USP9Y: variants seen among roughly 807,000 people sequenced by gnomAD.
USP9Y encodes ubiquitin carboxyl-terminal hydrolase 9Y.
A neutral mutation model predicts 53.1 loss-of-function variants in USP9Y; 41 were observed. That is an observed-to-expected ratio of 0.77 (90% CI 0.60 to 1.00). The LOEUF (loss-of-function observed/expected upper bound fraction) is 1.00. Among genes scored for constraint, USP9Y ranks in the 50% least tolerant of loss-of-function variants. The pLI is 0.00. For synonymous variants in USP9Y, 220 were observed against 173.7 expected (o/e 1.27, Z -2.09); for missense variants, 567 against 535.8 (o/e 1.06, Z -0.58).
At position 12,840,339 on chromosome Y, in the gene USP9Y, G is replaced by T; in HGVS notation, c.5813G>T (p.Arg1938Leu). The change falls in exon 36 of 46, where the codon CGC becomes CTC. Residue 1938 changes from arginine (R) to leucine (L), a missense_variant. Transcript: ENST00000338981. ...MGEVFDHMMKRMSYRRQKRWW... is the reference protein window; with the variant it reads ...MGEVFDHMMKLMSYRRQKRWW... Reference sequence around the variant, plus strand: ...GAAGTATTTGATCACATGATGAAGCGCATGTCATATAGGCGACAGAAGAGG... The same window carrying T: ...GAAGTATTTGATCACATGATGAAGCTCATGTCATATAGGCGACAGAAGAGG... The T allele has an allele frequency of 2.5e-6, 1 of 398,179 alleles. No individual in the cohort carries two copies. Among genetic ancestry groups the T allele is most frequent in the Non-Finnish European group, 3.5e-6 (1 of 283,380 alleles).
intron 31 of USP9Y, among the ~76,000 whole-genome samples, chrY:12,815,232 T>C: frequency 3.0e-5 from 1 of 33,746 alleles, no homozygotes; most frequent in African/African-American, 1.2e-4. Context: ...TTTTTTGTTG[T>C]TGTTTTTGTT....
chrY:12,728,878 G>T (rs764151905), intron 7 of USP9Y, among the ~76,000 whole-genome samples: 2 of 33,124 alleles, frequency 6.0e-5, no homozygotes, highest in African/African-American at 2.3e-4. Flanking sequence ...CTATCTTTGG[G>T]TTTATTTTGT....
At chrY:12,723,400 T>A (rs2053437912) in intron 5 of USP9Y, among the ~76,000 whole-genome samples, 2 of 26,224 alleles carry the variant, frequency 7.6e-5, no homozygotes, top group African/African-American at 3.0e-4. Context: ...TTTTATTTTT[T>A]TTTTTTTTGA....
chrY:12,850,411 CTT>C (rs34829543), intron 42 of USP9Y, among the ~76,000 whole-genome samples: 1 of 28,298 alleles, frequency 3.5e-5, no homozygotes, highest in Non-Finnish European at 8.6e-5. Flanking sequence ...GGATTCATGA[CTT>C]TTTTTTTTTT....
At chrY:12,816,729 C>T (rs2053536978) in intron 32 of USP9Y, among the ~76,000 whole-genome samples, 1 of 33,578 alleles carries the variant, frequency 3.0e-5, no homozygotes, top group Non-Finnish European at 7.4e-5. Flanking sequence ...ATAAGCTGTA[C>T]TTATTTTTAG....
Position 12,701,506 on chromosome Y carries a change from G to C in USP9Y, c.-670G>C. On this transcript the variant is annotated 5_prime_UTR_variant, in exon 1 of 46. Transcript: ENST00000338981. The stretch of plus-strand genomic sequence containing the variant: ...ACTGAAATTGTAAAGTGGTAGACGT[G>C]GACTTAGTCATTACTGGGCAGCTTA... The C allele has an allele frequency of 3.0e-5, 1 of 33,588 alleles. No individual in the cohort carries two copies. Among genetic ancestry groups the C allele is most frequent in the African/African-American group, 1.2e-4 (1 of 8,567 alleles). 8.4% of individuals were successfully genotyped at this position (33,588 alleles called of 400,897 possible). A position where few individuals can be genotyped will look rare whatever the true frequency, so the allele number is the denominator to read the frequency against.
At chrY:12,752,565 T>G in intron 12 of USP9Y, among the ~76,000 whole-genome samples, 1 of 33,270 alleles carries the variant, frequency 3.0e-5, no homozygotes, top group Non-Finnish European at 7.4e-5. Flanking sequence ...TGTGTGCCTG[T>G]TACTTCTTTT....
intron 32 of USP9Y, among the ~76,000 whole-genome samples, chrY:12,817,294 G>C (rs750558921): frequency 1.8e-4 from 6 of 33,949 alleles, no homozygotes; most frequent in Admixed American, 2.7e-4. Context: ...TTTATACTTA[G>C]ACTGTTTATC....
chrY:12,780,928 C>A (rs2053497952), intron 22 of USP9Y, among the ~76,000 whole-genome samples: 1 of 33,239 alleles, frequency 3.0e-5, no homozygotes, highest in South Asian at 6.8e-4. Context: ...GCTTGTATTT[C>A]TTGGCCTACA....
chrY:12,735,070 CAAAAAAAAAAA>C (rs763856999), intron 7 of USP9Y, among the ~76,000 whole-genome samples: 1 of 5,577 alleles, frequency 1.8e-4, no homozygotes, highest in South Asian at 3.9e-3. Flanking sequence ...ACTCCGTCTC[CAAAAAAAAAAA>C]AAAAAAAAAG....
intron 21 of USP9Y, among the ~76,000 whole-genome samples, 198 bp from the exon 22 acceptor site, chrY:12,779,328 T>A: frequency 3.0e-5 from 1 of 33,578 alleles, no homozygotes; most frequent in South Asian, 6.4e-4. Context: ...TAATATGTAA[T>A]GTATAAATTT....
chrY:12,733,493 A>G (rs2053449035), intron 7 of USP9Y, among the ~76,000 whole-genome samples: 1 of 29,284 alleles, frequency 3.4e-5, no homozygotes, highest in Non-Finnish European at 8.0e-5. Context: ...CACTATGCCC[A>G]GTTAATTTTT....
intron 31 of USP9Y, among the ~76,000 whole-genome samples, chrY:12,813,614 T>C (rs2053533251): frequency 6.0e-5 from 2 of 33,346 alleles, no homozygotes; most frequent in African/African-American, 2.3e-4. Context: ...AATATAAAAT[T>C]TAGTTCATTT....
At chrY:12,755,422 C>T in intron 12 of USP9Y, among the ~76,000 whole-genome samples, 1 of 32,282 alleles carries the variant, frequency 3.1e-5, no homozygotes, top group Non-Finnish European at 7.5e-5. Context: ...ACCTCAGCCT[C>T]CCAAAGTGCT....
At chrY:12,780,276 G>A (rs942090040) in intron 22 of USP9Y, among the ~76,000 whole-genome samples, 1 of 32,344 alleles carries the variant, frequency 3.1e-5, no homozygotes, top group African/African-American at 1.2e-4. Context: ...ACTCCTTCCA[G>A]TAATTTCCTA....
At chrY:12,741,033 A>G (rs2148282343) in intron 12 of USP9Y, among the ~76,000 whole-genome samples, 1 of 32,193 alleles carries the variant, frequency 3.1e-5, no homozygotes, top group East Asian at 8.2e-4. Context: ...GGACAACATG[A>G]TGGAACCCCA....
Position 12,818,442 on chromosome Y carries a change from A to G in USP9Y, c.4853A>G (p.Asp1618Gly). ...TAGAGTAATGTTGATCCCCGAGATG[A>G]TGTATTTGGATATCCTCATCAATTT... ...DSESNVDPRD[D>G]VFGYPHQFED... Residue 1618 changes from aspartate (D) to glycine (G), a missense_variant, in exon 33 of 46, where the codon GAT (aspartate) becomes GGT (glycine). Physicochemically the swap from Asp to Gly is moderately conservative, Grantham distance 94. Coordinates refer to ENST00000338981, the MANE Select transcript of USP9Y (RefSeq NM_004654.4). The G allele has an allele frequency of 2.5e-6, 1 of 397,485 alleles. No homozygotes were observed. The highest frequency in any genetic ancestry group is 3.5e-6 in the Non-Finnish European group (1 of 282,496).
chrY:12,747,077 GGTACCACAA>G (rs2053461290), intron 12 of USP9Y, among the ~76,000 whole-genome samples: 1 of 33,687 alleles, frequency 3.0e-5, no homozygotes, highest in East Asian at 7.6e-4. Context: ...TGAACTGAAA[GGTACCACAA>G]GCTTTTGCTT....
At chrY:12,803,593 A>T in intron 27 of USP9Y, 1 of 33,221 alleles carries the variant, frequency 3.0e-5, no homozygotes, top group Non-Finnish European at 7.4e-5. Flanking sequence ...AAGGCTGGAG[A>T]TTTCTTTTTT....
Sources: gnomAD v4.1 joint callset for allele counts (sites outside exome capture counted in the v4.1 genomes callset) on GRCh38, gnomAD v4.1.1 for gene constraint, MANE v1.5 for transcripts, NCBI Gene and HGNC (gene_info 2026-07-23, HGNC 2026-07-21) for gene names.